The following SPG11 variants were observed in gnomAD, a reference collection of about 807,000 sequenced individuals.
The protein encoded by SPG11 is SPG11 vesicle trafficking associated, spatacsin.
Under a neutral mutation model 274.0 loss-of-function variants are expected in SPG11, and 222 were observed. That is an observed-to-expected ratio of 0.81 (90% CI 0.73 to 0.91). The LOEUF is 0.91. SPG11 is among the 40% of genes least tolerant of loss of function. The pLI is 0.00. For missense variants in SPG11, 3,114 were observed against 2,872.7 expected (o/e 1.08, Z -1.92); for synonymous variants, 1,144 against 1,039.7 (o/e 1.10, Z -1.93).
chr15:44,663,578 G>T lies in SPG11; in HGVS notation c.70C>A (p.Arg24=), dbSNP rs745561381. The change falls in exon 1 of 40, where the codon CGG becomes AGG. Residue 24 remains arginine, a synonymous_variant. Coordinates refer to ENST00000261866, the MANE Select transcript of SPG11 (RefSeq NM_025137.4). ...GGCACCAACAGCATCGGTAGAACCC[G>T]CCCCATGGCCGCGGTGCCCCAGCTA... ...GGSWGTAAMG[R]VLPMLLVPVP... 15 of 1,596,060 alleles carry T rather than the reference G, an allele frequency of 9.4e-6. No individual in the cohort carries two copies. The highest frequency in any genetic ancestry group is 1.3e-5 in the Non-Finnish European group (15 of 1,173,750).
chr15:44,569,217 C>T (rs950516194), intron 35 of SPG11, among the ~76,000 whole-genome samples, 181 bp downstream of exon 35: 1 of 151,504 alleles, frequency 6.6e-6, no homozygotes, highest in African/African-American at 2.4e-5. Flanking sequence ...AGCATATTCA[C>T]GGACTGATCT....
At chr15:44,632,112 A>G (rs76185363) in intron 8 of SPG11, among the ~76,000 whole-genome samples, 9,792 of 152,042 alleles carry the variant, frequency 0.064, 828 homozygotes, top group African/African-American at 0.19. Context: ...CCTGGCCTAC[A>G]TTACTTCTTT....
intron 17 of SPG11, among the ~76,000 whole-genome samples, chr15:44,611,373 A>G (rs568766403): frequency 6.6e-6 from 1 of 152,350 alleles, no homozygotes; most frequent in African/African-American, 2.4e-5. Context: ...AGGAGGAAAT[A>G]TAAATGCCTG....
At chr15:44,589,744 C>T (rs1822995857) in intron 27 of SPG11, among the ~76,000 whole-genome samples, 2 of 152,192 alleles carry the variant, frequency 1.3e-5, no homozygotes, top group South Asian at 4.1e-4. Context: ...TAGTGACTGT[C>T]AAATTAATAG....
Position 44,663,576 on chromosome 15 carries a change from C to A in SPG11, c.72G>T (p.Arg24=), listed in dbSNP as rs1203044369. Residue 24 remains arginine, a synonymous_variant, in exon 1 of 40, where the codon CGG becomes CGT. Coordinates refer to ENST00000261866, the MANE Select transcript of SPG11 (RefSeq NM_025137.4). ...CTGGCACCAACAGCATCGGTAGAAC[C>A]CGCCCCATGGCCGCGGTGCCCCAGC... ...GGSWGTAAMG[R]VLPMLLVPVP... 6.3e-7 allele frequency: 1 copy of A among 1,596,926 alleles called. No individual in the cohort carries two copies. The highest frequency in any genetic ancestry group is 1.3e-5 in the African/African-American group (1 of 74,884).
Position 44,598,332 on chromosome 15 carries a change from T to C in SPG11, c.3934A>G (p.Thr1312Ala), listed in dbSNP as rs754276052. ...SKLADGEKTT[T>A]EELLVLLEEG... is the part of the protein sequence containing the mutation. ...TCTAAGAGAACAAGCAATTCTTCTGTGGTTGTCTTTTCACCATCAGCTAGT... is the reference window on the plus strand; with the variant it reads ...TCTAAGAGAACAAGCAATTCTTCTGCGGTTGTCTTTTCACCATCAGCTAGT... Residue 1312 changes from threonine (T) to alanine (A), a missense_variant, in exon 23 of 40, where the codon ACA (threonine) becomes GCA (alanine). Physicochemically the swap from Thr to Ala is moderately conservative, Grantham distance 58 (BLOSUM62 0). Transcript: ENST00000261866. The C allele has an allele frequency of 1.2e-6, 2 of 1,614,052 alleles. No individual in the cohort carries two copies. Among genetic ancestry groups the C allele is most frequent in the Admixed American group, 1.7e-5 (1 of 60,016 alleles).
intron 8 of SPG11, among the ~76,000 whole-genome samples, chr15:44,630,432 C>A (rs1008477372): frequency 6.6e-6 from 1 of 152,294 alleles, no homozygotes; most frequent in East Asian, 1.9e-4. Context: ...AATGACTCTA[C>A]AACTGCTGAT....
chr15:44,565,572 T>G (rs576363687), intron 38 of SPG11, among the ~76,000 whole-genome samples: 39 of 152,326 alleles, frequency 2.6e-4, no homozygotes, highest in Admixed American at 1.2e-3. Flanking sequence ...AGTACCAGTC[T>G]GCAGCCTGGG....
intron 38 of SPG11, 34 bp from the exon 39 acceptor site, chr15:44,564,732 A>C: frequency 1.2e-6 from 2 of 1,613,034 alleles, no homozygotes; most frequent in Non-Finnish European, 1.7e-6. Context: ...ACACCATCAG[A>C]GCCCATCTGA....
At position 44,633,492 on chromosome 15, in the gene SPG11, T is replaced by A; in HGVS notation, c.1735+13A>T. Reference sequence around the variant, plus strand: ...ATGATAAATACAAATGTAGAAATCTTTATTCCACTTACTTCTTAAATATAA... The same window carrying A: ...ATGATAAATACAAATGTAGAAATCTATATTCCACTTACTTCTTAAATATAA... On this transcript the variant is annotated intron_variant, in intron 8 of 39. Transcript: ENST00000261866. 1 of 1,575,352 alleles carries A rather than the reference T, an allele frequency of 6.3e-7. No homozygotes were observed. Among genetic ancestry groups the A allele is most frequent in the Non-Finnish European group, 8.7e-7 (1 of 1,149,180 alleles).
chr15:44,573,220 C>A, intron 32 of SPG11: 1 of 517,334 alleles, frequency 1.9e-6, no homozygotes, highest in South Asian at 2.1e-5. Flanking sequence ...CTCCTGACCT[C>A]GTGATCTGCC....
chr15:44,604,386 G>A (rs1177414554), intron 20 of SPG11, among the ~76,000 whole-genome samples: 4 of 152,102 alleles, frequency 2.6e-5, no homozygotes, highest in South Asian at 2.1e-4. Flanking sequence ...TTTGCTGAGC[G>A]TTTGTAAGGC....
intron 7 of SPG11, among the ~76,000 whole-genome samples, chr15:44,638,754 G>A (rs1324181320): frequency 1.3e-5 from 2 of 152,214 alleles, no homozygotes; most frequent in East Asian, 3.9e-4. Flanking sequence ...CCGGCACTTT[G>A]GGAAACCGAG....
intron 11 of SPG11, among the ~76,000 whole-genome samples, chr15:44,625,177 A>G (rs1338656720): frequency 1.3e-5 from 2 of 149,936 alleles, no homozygotes; most frequent in Admixed American, 6.6e-5. Flanking sequence ...AACATTTCTC[A>G]GTGTTATTTC....
chr15:44,629,318 T>C lies in SPG11; in HGVS notation c.1806A>G (p.Gln602=), dbSNP rs1255132930. Residue 602 remains glutamine, a synonymous_variant, in exon 9 of 40, where the codon CAA becomes CAG. Coordinates refer to ENST00000261866, the MANE Select transcript of SPG11 (RefSeq NM_025137.4). ...SAIRESYSEP[Q]SKHFSEQLLN... is the part of the protein sequence containing the mutation. Reference sequence around the variant, plus strand: ...GCAATTGTTCTGAAAAGTGTTTGCTTTGGGGTTCAGAATAACTTTCTCTAA... The same window carrying C: ...GCAATTGTTCTGAAAAGTGTTTGCTCTGGGGTTCAGAATAACTTTCTCTAA... 3.7e-6 allele frequency: 6 copies of C among 1,614,040 alleles called. No individual in the cohort carries two copies. The highest frequency in any genetic ancestry group is 2.2e-5 in the East Asian group (1 of 44,892).
chr15:44,619,179 T>C (rs2083671627), intron 15 of SPG11, among the ~76,000 whole-genome samples: 1 of 152,218 alleles, frequency 6.6e-6, no homozygotes, highest in Non-Finnish European at 1.5e-5. Flanking sequence ...TTAACGTCCC[T>C]GGATCTGACT....
intron 11 of SPG11, among the ~76,000 whole-genome samples, chr15:44,624,786 T>C (rs1358355761): frequency 2.6e-5 from 4 of 152,168 alleles, no homozygotes; most frequent in African/African-American, 9.7e-5. Flanking sequence ...ATACCTTAAA[T>C]ACATGTAATT....
chr15:44,592,513 G>C (rs2082928747), intron 26 of SPG11, 75 bp from the exon 27 acceptor site: 1 of 903,178 alleles, frequency 1.1e-6, no homozygotes, highest in East Asian at 2.5e-5. Context: ...CCAAATAAGA[G>C]AATGTTAAAA....
chr15:44,633,364 A>G (rs1269169612), intron 8 of SPG11, 141 bp downstream of exon 8: 3 of 304,646 alleles, frequency 9.8e-6, no homozygotes, highest in Non-Finnish European at 1.2e-5. Flanking sequence ...AAAAAAAAAG[A>G]AAGTTTCCAA....
Sources: allele counts gnomAD v4.1 joint callset (sites outside exome capture counted in the v4.1 genomes callset), GRCh38; gene constraint gnomAD v4.1.1; transcripts MANE v1.5; gene names NCBI Gene and HGNC (gene_info 2026-07-23, HGNC 2026-07-21).